Variants in BICRAL observed in about 807,000 individuals in gnomAD.
BICRAL encodes BICRA like chromatin remodeling complex associated protein.
In BICRAL, 8 loss-of-function variants were observed where a neutral mutation model predicts 91.8. That is an observed-to-expected ratio of 0.09 (90% CI 0.05 to 0.16). BICRAL has a LOEUF of 0.16. BICRAL is among the 10% of genes least tolerant of loss of function. The pLI, the probability that BICRAL is intolerant of heterozygous loss-of-function variation, is 1.00. For synonymous variants in BICRAL, 445 were observed against 491.1 expected, an observed-to-expected ratio of 0.91 and a Z score of 1.24; for missense variants, 1,038 against 1,310.9, an observed-to-expected ratio of 0.79 and a Z score of 3.21.
chr6:42,798,557 G>A lies in BICRAL; in HGVS notation c.-101-11749G>A, dbSNP rs1314890174. On this transcript the variant is annotated intron_variant, in intron 1 of 12. Coordinates refer to ENST00000314073, the MANE Select transcript of BICRAL (RefSeq NM_001393499.1). ...ACTAAAAGTACAAAATTAGCCAGGC[G>A]TGGTGGCAGGCACCAGTAGTCCCAG... Among the ~76,000 whole-genome samples, 11 of 152,064 alleles carry A rather than the reference G, an allele frequency of 7.2e-5. No homozygotes were observed. In the South Asian group the frequency reaches 8.3e-4, roughly 11 times the overall value.
At chr6:42,804,107 C>T (rs1327568521) in intron 1 of BICRAL, among the ~76,000 whole-genome samples, 2 of 152,204 alleles carry the variant, frequency 1.3e-5, no homozygotes, top group African/African-American at 4.8e-5. Flanking sequence ...ACTGCAAACT[C>T]TGCCTCCCGG....
chr6:42,851,158 C>T (rs1364496262), intron 6 of BICRAL, among the ~76,000 whole-genome samples: 1 of 152,128 alleles, frequency 6.6e-6, no homozygotes, highest in Non-Finnish European at 1.5e-5. Flanking sequence ...GCACTCCAGC[C>T]TGGGCGACAG....
At chr6:42,757,279 T>C (rs1762476789) in intron 1 of BICRAL, among the ~76,000 whole-genome samples, 1 of 147,708 alleles carries the variant, frequency 6.8e-6, no homozygotes, top group Non-Finnish European at 1.5e-5. Context: ...TGAGATGGAG[T>C]CTCCCTCTGT....
At chr6:42,834,430 T>C (rs1166205046) in intron 6 of BICRAL, among the ~76,000 whole-genome samples, 1 of 152,206 alleles carries the variant, frequency 6.6e-6, no homozygotes, top group East Asian at 1.9e-4. Flanking sequence ...ATAATTTAAG[T>C]TTCCATTGAT....
chr6:42,785,851 C>G (rs9349241), intron 1 of BICRAL, among the ~76,000 whole-genome samples: 1 of 151,344 alleles, frequency 6.6e-6, no homozygotes, highest in South Asian at 2.1e-4. Context: ...GTCAGGAGTT[C>G]GAGACCAGCC....
intron 6 of BICRAL, among the ~76,000 whole-genome samples, chr6:42,843,964 ATT>A (rs564638855): frequency 1.9e-4 from 25 of 132,172 alleles, no homozygotes; most frequent in East Asian, 4.4e-4. Context: ...ATGCCGGCTA[ATT>A]TTTTTTTTTT....
intron 8 of BICRAL, among the ~76,000 whole-genome samples, chr6:42,855,060 A>T (rs896744192): frequency 6.6e-6 from 1 of 152,210 alleles, no homozygotes; most frequent in Non-Finnish European, 1.5e-5. Context: ...ACAGTGAAGG[A>T]TCTGTTCAGT....
chr6:42,817,176 ATATG>A (rs1183773792), intron 2 of BICRAL, among the ~76,000 whole-genome samples: 8 of 151,312 alleles, frequency 5.3e-5, no homozygotes, highest in African/African-American at 1.9e-4. Flanking sequence ...GTGTGTGTAT[ATATG>A]TGTGTGTGTG....
intron 2 of BICRAL, among the ~76,000 whole-genome samples, chr6:42,819,353 T>A (rs914281634): frequency 6.6e-6 from 1 of 152,342 alleles, no homozygotes; most frequent in Admixed American, 6.5e-5. Flanking sequence ...TGGCATGATC[T>A]CGGCTCACTG....
intron 1 of BICRAL, among the ~76,000 whole-genome samples, chr6:42,782,881 C>G (rs1027115548): frequency 1.3e-5 from 2 of 150,886 alleles, no homozygotes; most frequent in African/African-American, 4.9e-5. Flanking sequence ...CTCCTCCCCT[C>G]TGTTTTCCCC....
chr6:42,841,075 TAAAAAA>T (rs758007416), intron 6 of BICRAL, among the ~76,000 whole-genome samples: 6 of 85,280 alleles, frequency 7.0e-5, no homozygotes, highest in South Asian at 4.8e-4. Flanking sequence ...ACTCAATCTT[TAAAAAA>T]AAAAAAAAAA....
chr6:42,751,210 TC>T (rs1461111134), intron 1 of BICRAL, among the ~76,000 whole-genome samples: 1 of 151,784 alleles, frequency 6.6e-6, no homozygotes, highest in Non-Finnish European at 1.5e-5. Flanking sequence ...GTCAGCCAAG[TC>T]CCCCTCCAAC....
intron 1 of BICRAL, 110 bp from the exon 2 acceptor site, chr6:42,810,195 TC>T (rs2113915713): frequency 6.6e-6 from 1 of 152,326 alleles, no homozygotes; most frequent in South Asian, 2.1e-4. Flanking sequence ...AATGAAGAAA[TC>T]CTTGGTTGAA....
intron 1 of BICRAL, among the ~76,000 whole-genome samples, chr6:42,803,988 C>G (rs1481531104): frequency 6.6e-6 from 1 of 152,162 alleles, no homozygotes; most frequent in Admixed American, 6.6e-5. Context: ...GAAACACTAA[C>G]AATATAGTTT....
At chr6:42,793,427 C>T (rs1763335539) in intron 1 of BICRAL, among the ~76,000 whole-genome samples, 1 of 149,046 alleles carries the variant, frequency 6.7e-6, no homozygotes, top group South Asian at 2.1e-4. Context: ...GCTGGGATTA[C>T]AGGTGTGAGC....
rs376517209 is a variant in BICRAL, at chr6:42,771,257, A to C, written c.-260-10582A>C. 2.2e-3 allele frequency among the ~76,000 whole-genome samples: 332 copies of C among 151,624 alleles called. 2 individuals carry two copies. Among genetic ancestry groups the C allele is most frequent in the African/African-American group, 7.4e-3 (305 of 41,292 alleles). On this transcript the variant is annotated intron_variant, in intron 1 of 14. Coordinates refer to the BICRAL transcript ENST00000614467. The stretch of plus-strand genomic sequence containing the variant: ...TGGCGCCACGTGCTGCAGAAAGAGG[A>C]CCCCTCCCCCTGCGGGCCGCCGCTG...
intron 2 of BICRAL, among the ~76,000 whole-genome samples, chr6:42,820,490 G>A (rs1434851285): frequency 5.3e-5 from 8 of 152,092 alleles, no homozygotes; most frequent in African/African-American, 1.4e-4. Flanking sequence ...ACTAAATGTC[G>A]TCAGGATTTA....
chr6:42,798,582 G>C (rs1369897665), intron 1 of BICRAL, among the ~76,000 whole-genome samples: 1 of 152,120 alleles, frequency 6.6e-6, no homozygotes, highest in African/African-American at 2.4e-5. Flanking sequence ...AGTAGTCCCA[G>C]CTACTCGGGA....
intron 6 of BICRAL, among the ~76,000 whole-genome samples, chr6:42,835,157 C>T (rs867309587): frequency 2.3e-4 from 35 of 150,326 alleles, no homozygotes; most frequent in African/African-American, 8.3e-4. Flanking sequence ...GAGTCAGAGT[C>T]TCACTCTACT....
Sources: allele counts gnomAD v4.1 joint callset (sites outside exome capture counted in the v4.1 genomes callset), GRCh38; gene constraint gnomAD v4.1.1; transcripts MANE v1.5; gene names NCBI Gene and HGNC (gene_info 2026-07-23, HGNC 2026-07-21).